The following PPP1R14C variants were observed in gnomAD, a reference collection of about 807,000 sequenced individuals.
The protein encoded by PPP1R14C is protein phosphatase 1 regulatory inhibitor subunit 14C.
Under a neutral mutation model 20.4 loss-of-function variants are expected in PPP1R14C, and 16 were observed. The ratio of observed to expected loss-of-function variants is 0.78; its 90% CI spans 0.53 to 1.19. The LOEUF is 1.19. PPP1R14C is among the 50% of genes most tolerant of loss of function. The pLI is 0.00. For missense variants in PPP1R14C, 211 were observed against 220.1 expected, an observed-to-expected ratio of 0.96 and a Z score of 0.26; for synonymous variants, 91 against 91.0, an observed-to-expected ratio of 1.00 and a Z score of 0.00.
At chr6:150,237,655 T>A (rs1265027938) in intron 3 of PPP1R14C, among the ~76,000 whole-genome samples, 1 of 152,208 alleles carries the variant, frequency 6.6e-6, no homozygotes, top group Non-Finnish European at 1.5e-5. Context: ...CAGTAATTCA[T>A]CTCATCATTT....
chr6:150,234,764 G>A (rs1348440476), intron 3 of PPP1R14C, among the ~76,000 whole-genome samples: 2 of 145,702 alleles, frequency 1.4e-5, no homozygotes, highest in East Asian at 2.0e-4. Flanking sequence ...CAAGAGAATC[G>A]CTTGAACCTG....
At chr6:150,198,199 G>C (rs548998811) in intron 1 of PPP1R14C, among the ~76,000 whole-genome samples, 1,821 of 145,678 alleles carry the variant, frequency 0.013, 14 homozygotes, top group African/African-American at 0.046. Flanking sequence ...GTGTGCCCCT[G>C]GCCGCCACGG....
At chr6:150,174,061 A>T (rs1484512279) in intron 1 of PPP1R14C, among the ~76,000 whole-genome samples, 1 of 148,212 alleles carries the variant, frequency 6.7e-6, no homozygotes, top group Non-Finnish European at 1.5e-5. Context: ...AAAAATAATA[A>T]TTATATATAC....
At chr6:150,211,213 C>A (rs558179005) in intron 1 of PPP1R14C, among the ~76,000 whole-genome samples, 1 of 152,332 alleles carries the variant, frequency 6.6e-6, no homozygotes, top group Non-Finnish European at 1.5e-5. Context: ...GTTTAGACAG[C>A]CCGTCCCCCA....
chr6:150,230,845 G>T (rs1392095238), intron 3 of PPP1R14C, among the ~76,000 whole-genome samples: 1 of 151,610 alleles, frequency 6.6e-6, no homozygotes, highest in East Asian at 1.9e-4. Flanking sequence ...TGATACTGTA[G>T]TTTCCCCTTT....
intron 3 of PPP1R14C, among the ~76,000 whole-genome samples, chr6:150,225,676 A>G (rs1778222641): frequency 6.6e-6 from 1 of 152,228 alleles, no homozygotes; most frequent in African/African-American, 2.4e-5. Flanking sequence ...CTTCACAACA[A>G]AGCTAATAGA....
At chr6:150,172,907 C>CA (rs1777515006) in intron 1 of PPP1R14C, among the ~76,000 whole-genome samples, 1 of 152,114 alleles carries the variant, frequency 6.6e-6, no homozygotes, top group East Asian at 1.9e-4. Context: ...CTTGGTCTTC[C>CA]CATCAGCCAT....
chr6:150,214,971 G>A (rs1255677489), intron 2 of PPP1R14C, 144 bp downstream of exon 2: 4 of 605,944 alleles, frequency 6.6e-6, no homozygotes, highest in African/African-American at 5.7e-5. Context: ...GAAAGCAATG[G>A]GCTGCTAAGT....
rs1420906075 is a variant in PPP1R14C at position 150,201,915 on chromosome 6, T to A, written c.307-12829T>A. ...TGAAGTATTCCATGAACCGTCACAT[T>A]GCCTGCATAAACATGCATTACAGGT... On this transcript the variant is annotated intron_variant, in intron 1 of 3. Coordinates refer to ENST00000361131, the MANE Select transcript of PPP1R14C (RefSeq NM_030949.3). The surrounding 1 kb of genome is among the most constrained non-coding windows in gnomAD (Gnocchi z 4.2). 6.6e-6 allele frequency among the ~76,000 whole-genome samples: 1 copy of A among 152,156 alleles called. No homozygotes were observed. The highest frequency in any genetic ancestry group is 2.4e-5 in the African/African-American group (1 of 41,424).
chr6:150,232,321 A>G (rs1453419044), intron 3 of PPP1R14C, among the ~76,000 whole-genome samples: 3 of 152,192 alleles, frequency 2.0e-5, no homozygotes, highest in African/African-American at 4.8e-5. Context: ...ATTCTAGATG[A>G]CAATCCTTTG....
At chr6:150,194,466 T>C (rs1003481253) in intron 1 of PPP1R14C, 1 of 982,896 alleles carries the variant, frequency 1.0e-6, no homozygotes, top group Non-Finnish European at 1.2e-6. Context: ...ATGTGTAATT[T>C]AGTGAAGAGA....
intron 1 of PPP1R14C, among the ~76,000 whole-genome samples, chr6:150,175,538 A>G (rs1476491889): frequency 6.6e-6 from 1 of 152,222 alleles, no homozygotes. Context: ...TTTCCTTTGT[A>G]AAATATTACT....
chr6:150,236,638 T>TGTGTGTGC (rs1311053700), intron 3 of PPP1R14C, among the ~76,000 whole-genome samples: 5 of 142,156 alleles, frequency 3.5e-5, no homozygotes, highest in African/African-American at 9.9e-5. Flanking sequence ...TGTGTGTGTG[T>TGTGTGTGC]GCGCGTGTGT....
intron 1 of PPP1R14C, among the ~76,000 whole-genome samples, chr6:150,200,181 TATACACACACAC>T (rs1420862236): frequency 6.6e-6 from 1 of 150,510 alleles, no homozygotes; most frequent in African/African-American, 2.4e-5. Flanking sequence ...GATATATATA[TATACACACACAC>T]ATACACACAC....
intron 1 of PPP1R14C, among the ~76,000 whole-genome samples, chr6:150,187,401 G>A (rs544815105): frequency 6.6e-6 from 1 of 152,022 alleles, no homozygotes; most frequent in South Asian, 2.1e-4. Flanking sequence ...TGTCACCCAG[G>A]TATTAAGATG....
intron 3 of PPP1R14C, among the ~76,000 whole-genome samples, chr6:150,241,892 GAAA>G (rs534830652): frequency 6.6e-6 from 1 of 150,876 alleles, no homozygotes; most frequent in Admixed American, 6.6e-5. Context: ...TGTCTCAAAA[GAAA>G]AAAAAAGTGT....
At chr6:150,156,600 A>G (rs940593183) in intron 1 of PPP1R14C, among the ~76,000 whole-genome samples, 3 of 152,224 alleles carry the variant, frequency 2.0e-5, no homozygotes, top group African/African-American at 7.2e-5. Context: ...TTATGAGCTA[A>G]TACTCTACAT....
Position 150,208,150 on chromosome 6 carries a change from C to G in PPP1R14C, c.307-6594C>G, listed in dbSNP as rs140457647. Reference sequence around the variant, plus strand: ...GGTTCCCATTACCTCTCACTCAGTACTGTTGCCCTGGGGACCAAATTCACC... The same window carrying G: ...GGTTCCCATTACCTCTCACTCAGTAGTGTTGCCCTGGGGACCAAATTCACC... On this transcript the variant is annotated intron_variant, in intron 1 of 3. Coordinates refer to ENST00000361131, the MANE Select transcript of PPP1R14C (RefSeq NM_030949.3). 1.3e-3 allele frequency among the ~76,000 whole-genome samples: 203 copies of G among 152,310 alleles called. 1 individual carries two copies. Among genetic ancestry groups the G allele is most frequent in the African/African-American group, 4.6e-3 (192 of 41,562 alleles).
intron 3 of PPP1R14C, among the ~76,000 whole-genome samples, chr6:150,234,437 G>A (rs1030603073): frequency 6.6e-6 from 1 of 152,132 alleles, no homozygotes; most frequent in Admixed American, 6.5e-5. Flanking sequence ...AAAATTACTT[G>A]TGCAATTTAT....
Sources: allele counts gnomAD v4.1 joint callset (sites outside exome capture counted in the v4.1 genomes callset), GRCh38; gene constraint gnomAD v4.1.1; non-coding constraint Gnocchi (gnomAD v3.1); transcripts MANE v1.5; gene names NCBI Gene and HGNC (gene_info 2026-07-23, HGNC 2026-07-21).